SKAP2: variants seen among roughly 807,000 people sequenced by gnomAD.
SKAP2 encodes src kinase-associated phosphoprotein 2.
Under a neutral mutation model 54.9 loss-of-function variants are expected in SKAP2, and 28 were observed. That is an observed-to-expected ratio of 0.51 (90% CI 0.38 to 0.70). The LOEUF (loss-of-function observed/expected upper bound fraction) is 0.70, where lower values mean the gene tolerates loss of function less well. Ranked by LOEUF, SKAP2 falls within the 30% of genes least tolerant of loss-of-function variation. The pLI is 0.00. For missense variants in SKAP2, 356 were observed against 424.1 expected, an observed-to-expected ratio of 0.84 and a Z score of 1.41; for synonymous variants, 137 against 134.3, an observed-to-expected ratio of 1.02 and a Z score of -0.14.
intron 1 of SKAP2, among the ~76,000 whole-genome samples, chr7:26,856,251 T>A (rs987326531): frequency 6.6e-6 from 1 of 152,154 alleles, no homozygotes; most frequent in South Asian, 2.1e-4. Flanking sequence ...AAAATTTAAG[T>A]ATCAAAATGA....
At chr7:26,657,211 A>G in the SKAP2 span, among the ~76,000 whole-genome samples, 1 of 152,204 alleles carries the variant, frequency 6.6e-6, no homozygotes, top group East Asian at 1.9e-4. Flanking sequence ...TATCAGCTAT[A>G]TTATTTGCCT....
intron 9 of SKAP2, among the ~76,000 whole-genome samples, chr7:26,697,324 G>A (rs10273840): frequency 0.072 from 10,928 of 152,202 alleles, 1,334 homozygotes; most frequent in African/African-American, 0.25. Context: ...TATGGCAAAA[G>A]GGAATGTATA....
intron 4 of SKAP2, among the ~76,000 whole-genome samples, chr7:26,748,315 A>G (rs1782602720): frequency 6.6e-6 from 1 of 152,164 alleles, no homozygotes; most frequent in Non-Finnish European, 1.5e-5. Flanking sequence ...TAAAAATTCT[A>G]GAGTTATTAA....
At chr7:26,766,438 C>G (rs1783057671) in intron 4 of SKAP2, among the ~76,000 whole-genome samples, 1 of 152,150 alleles carries the variant, frequency 6.6e-6, no homozygotes, top group South Asian at 2.1e-4. Context: ...TTTACTTCCT[C>G]TCTTCCTATT....
chr7:26,790,130 C>T (rs1783644342), intron 4 of SKAP2, among the ~76,000 whole-genome samples: 1 of 152,194 alleles, frequency 6.6e-6, no homozygotes, highest in South Asian at 2.1e-4. Context: ...TATAGTTAAA[C>T]ACCTTTATGA....
In SKAP2 at chr7:26,837,979, A is replaced by T. The variant is rs556099688; in HGVS notation, c.307+6051T>A. Among the ~76,000 whole-genome samples, 115 of 152,316 alleles carry T rather than the reference A, an allele frequency of 7.6e-4. 1 individual carries two copies. The South Asian group carries it at 0.016, about 21-fold the overall frequency. On this transcript the variant is annotated intron_variant, in intron 4 of 12. Coordinates refer to ENST00000345317, the MANE Select transcript of SKAP2 (RefSeq NM_003930.5). ...TTCTGCCACTATGTAGCTATATGCC[A>T]TTGGGCATATCACTTAACCTCTCTA... is the stretch of plus-strand genomic sequence containing the variant.
chr7:26,678,625 G>A (rs187295345), intron 11 of SKAP2, among the ~76,000 whole-genome samples: 1 of 152,064 alleles, frequency 6.6e-6, no homozygotes, highest in African/African-American at 2.4e-5. Flanking sequence ...ATTTTTAGTA[G>A]AGACGGGGTT....
At chr7:26,774,407 T>C (rs1008936406) in intron 4 of SKAP2, among the ~76,000 whole-genome samples, 1 of 151,772 alleles carries the variant, frequency 6.6e-6, no homozygotes, top group East Asian at 1.9e-4. Flanking sequence ...CCCCACATAA[T>C]ATGCAAAAGG....
At chr7:26,861,247 C>A (rs1785265984) in intron 1 of SKAP2, among the ~76,000 whole-genome samples, 1 of 151,566 alleles carries the variant, frequency 6.6e-6, no homozygotes, top group African/African-American at 2.4e-5. Context: ...AAAAAAATCA[C>A]ATAAATCAAG....
At chr7:26,685,605 A>G (rs1403216440) in intron 10 of SKAP2, among the ~76,000 whole-genome samples, 1 of 152,218 alleles carries the variant, frequency 6.6e-6, no homozygotes, top group African/African-American at 2.4e-5. Flanking sequence ...TTCTAACAGC[A>G]TAAGCACAAT....
In SKAP2 at chr7:26,684,863, G is replaced by A; in HGVS notation, c.875-15C>T. On this transcript the variant is annotated splice_polypyrimidine_tract_variant and intron_variant, in intron 10 of 12. Transcript: ENST00000345317. ...GCTCTTATCCCCTAGGAAGAAGAAA[G>A]AGAAAGCATGAATTAGGGCCTTCAT... The A allele has an allele frequency of 6.7e-7, 1 of 1,496,358 alleles. No homozygotes were observed. The highest frequency in any genetic ancestry group is 1.1e-5 in the South Asian group (1 of 87,322). 92.7% of individuals were successfully genotyped at this position (1,496,358 alleles called of 1,614,324 possible). A position where few individuals can be genotyped will look rare whatever the true frequency, so the allele number is the denominator to read the frequency against.
intron 9 of SKAP2, among the ~76,000 whole-genome samples, chr7:26,691,840 A>G (rs2127941045): frequency 1.3e-5 from 2 of 152,340 alleles, no homozygotes; most frequent in South Asian, 4.1e-4. Flanking sequence ...CATTTTGACT[A>G]AAGAATCTGG....
At chr7:26,701,774 A>T (rs975942527) in intron 9 of SKAP2, among the ~76,000 whole-genome samples, 8 of 150,798 alleles carry the variant, frequency 5.3e-5, no homozygotes, top group African/African-American at 9.9e-5. Context: ...AATAAATAAA[A>T]CTTGCATCAT....
chr7:26,806,172 T>A (rs941970234), intron 4 of SKAP2, among the ~76,000 whole-genome samples: 7 of 152,200 alleles, frequency 4.6e-5, no homozygotes, highest in Admixed American at 2.0e-4. Context: ...GGCTTCCCTA[T>A]TCCCTGAGAC....
intron 9 of SKAP2, among the ~76,000 whole-genome samples, chr7:26,724,306 A>G (rs980262463): frequency 3.3e-5 from 5 of 152,210 alleles, no homozygotes; most frequent in African/African-American, 1.2e-4. Flanking sequence ...TGTGGGATCA[A>G]GCACTATGCT....
chr7:26,779,464 G>T (rs1226752236), intron 4 of SKAP2, among the ~76,000 whole-genome samples: 1 of 151,978 alleles, frequency 6.6e-6, no homozygotes, highest in Admixed American at 6.6e-5. Flanking sequence ...ATGCAACTTT[G>T]TTCGTTGACA....
chr7:26,780,588 T>C (rs1251458941), intron 4 of SKAP2, among the ~76,000 whole-genome samples: 1 of 152,146 alleles, frequency 6.6e-6, no homozygotes, highest in African/African-American at 2.4e-5. Context: ...ATTATTTTCA[T>C]CTCATGAAAT....
rs901906318 is a variant in SKAP2 at position 26,804,685 on chromosome 7, G to A, written c.307+39345C>T. ...ACCCGGGAGGCGGAGGTTGCAGTGA[G>A]CCGAAATAGCACCACTGCACTCCAG... On this transcript the variant is annotated intron_variant, in intron 4 of 12. Transcript: ENST00000345317. Among the ~76,000 whole-genome samples the A allele has an allele frequency of 5.4e-5, 8 of 149,280 alleles. No individual in the cohort carries two copies. In the East Asian group the frequency reaches 1.4e-3, roughly 26 times the overall value.
intron 10 of SKAP2, among the ~76,000 whole-genome samples, chr7:26,685,611 A>G (rs1160355694): frequency 6.6e-6 from 1 of 152,234 alleles, no homozygotes; most frequent in African/African-American, 2.4e-5. Context: ...CAGCATAAGC[A>G]CAATGGATGT....
Sources: gnomAD v4.1 joint callset for allele counts (sites outside exome capture counted in the v4.1 genomes callset) on GRCh38, gnomAD v4.1.1 for gene constraint, MANE v1.5 for transcripts, NCBI Gene and HGNC (gene_info 2026-07-23, HGNC 2026-07-21) for gene names.